RNF34: variants seen among roughly 807,000 people sequenced by gnomAD.
The protein encoded by RNF34 is E3 ubiquitin-protein ligase RNF34.
A neutral mutation model predicts 37.9 loss-of-function variants in RNF34; 12 were observed. That is an observed-to-expected ratio of 0.32 (90% CI 0.20 to 0.51). The LOEUF (loss-of-function observed/expected upper bound fraction) is 0.51. Among genes scored for constraint, RNF34 ranks in the 20% least tolerant of loss-of-function variants. The probability of loss-of-function intolerance (pLI) is 0.97; values close to 1 mark genes in which losing one functional copy is unlikely to be tolerated. For synonymous variants in RNF34, 155 were observed against 177.2 expected (o/e 0.87, Z 1.00); for missense variants, 362 against 472.7 (o/e 0.77, Z 2.17).
intron 4 of RNF34, 56 bp downstream of exon 4, chr12:121,420,390 C>T (rs1872021501): frequency 1.9e-6 from 3 of 1,553,834 alleles, no homozygotes; most frequent in Non-Finnish European, 2.6e-6. Flanking sequence ...CAGGAAGGGA[C>T]AGTGCCCTGT....
chr12:121,414,233 A>G (rs1177306723), intron 1 of RNF34, among the ~76,000 whole-genome samples: 5 of 152,270 alleles, frequency 3.3e-5, no homozygotes, highest in Non-Finnish European at 7.3e-5. Context: ...TGCCATTTTA[A>G]CTAATACCTC....
chr12:121,414,271 CATT>C (rs1222790243), intron 1 of RNF34, among the ~76,000 whole-genome samples: 1 of 152,260 alleles, frequency 6.6e-6, no homozygotes, highest in Non-Finnish European at 1.5e-5. Context: ...TTACCTATCA[CATT>C]ATCTAGATTC....
intron 1 of RNF34, among the ~76,000 whole-genome samples, chr12:121,410,309 C>T (rs921988670): frequency 6.6e-6 from 1 of 151,882 alleles, no homozygotes; most frequent in Non-Finnish European, 1.5e-5. Context: ...GAGGCTGAGG[C>T]AGGCGGATTA....
rs531386204 is a variant in RNF34, at chr12:121,416,521, A to G, written c.225+144A>G. 1.4e-5 allele frequency: 9 copies of G among 631,570 alleles called. No individual in the cohort carries two copies. In the South Asian group the frequency reaches 1.8e-4, roughly 12 times the overall value. The allele number at this position is 631,570 out of a possible 1,614,324, so 39.1% of individuals were successfully genotyped here. A position where few individuals can be genotyped will look rare whatever the true frequency, so the allele number is the denominator to read the frequency against. ...CATTAGCCATTTTCCATCTAGAAAA[A>G]TACTTAATTGGAGGGATTATATTAC... On this transcript the variant is annotated intron_variant, in intron 2 of 5. Coordinates refer to ENST00000361234, the MANE Select transcript of RNF34 (RefSeq NM_025126.4).
chr12:121,403,067 C>T (rs781855288), intron 1 of RNF34, among the ~76,000 whole-genome samples: 12 of 152,170 alleles, frequency 7.9e-5, no homozygotes, highest in Admixed American at 1.3e-4. Context: ...AATCCTTTCA[C>T]ATTCTAAGGA....
intron 1 of RNF34, among the ~76,000 whole-genome samples, chr12:121,413,181 AC>A (rs1335589222): frequency 2.5e-4 from 38 of 151,408 alleles, no homozygotes; most frequent in Non-Finnish European, 5.0e-4. Flanking sequence ...ATCTGCCAAT[AC>A]GCCCAGCTAA....
At position 121,416,174 on chromosome 12, in the gene RNF34, A is replaced by G. The variant is rs1555282167; in HGVS notation, c.22A>G (p.Met8Val). 7 of 1,614,098 alleles carry G rather than the reference A, an allele frequency of 4.3e-6. No homozygotes were observed. Among genetic ancestry groups the G allele is most frequent in the South Asian group, 1.1e-5 (1 of 91,088 alleles). MKAGATS[M>V]WASCCGLLNE... Reference sequence around the variant, plus strand: ...TCCTTTTTAGGCGGGTGCCACGTCTATGTGGGCTTCGTGCTGTGGGCTGCT... The same window carrying G: ...TCCTTTTTAGGCGGGTGCCACGTCTGTGTGGGCTTCGTGCTGTGGGCTGCT... Residue 8 changes from methionine to valine, a missense_variant, in exon 2 of 6, where the codon ATG becomes GTG. Coordinates refer to ENST00000361234, the MANE Select transcript of RNF34 (RefSeq NM_025126.4).
At chr12:121,416,452 T>C (rs1730808566) in intron 2 of RNF34, 75 bp downstream of exon 2, 1 of 999,918 alleles carries the variant, frequency 1.0e-6, no homozygotes, top group Non-Finnish European at 1.6e-6. Context: ...TGAATAGCTA[T>C]TGAATTTTCA....
intron 1 of RNF34, among the ~76,000 whole-genome samples, chr12:121,406,296 G>GTTGTTGTTGTTGTTGTTGTTGTTT (rs1292336063): frequency 7.9e-5 from 12 of 151,588 alleles, no homozygotes; most frequent in Admixed American, 2.6e-4. Context: ...TGTTGTTGTT[G>GTTGTTGTTGTTGTTGTTGTTGTTT]TTGTTGTTTG....
At chr12:121,415,798 A>G (rs560059835) in intron 1 of RNF34, among the ~76,000 whole-genome samples, 1 of 148,956 alleles carries the variant, frequency 6.7e-6, no homozygotes, top group South Asian at 2.1e-4. Flanking sequence ...TTTTTAGTAT[A>G]TGCATATCCC....
At chr12:121,422,636 A>G (rs1555283590) in intron 5 of RNF34, among the ~76,000 whole-genome samples, 2 of 152,198 alleles carry the variant, frequency 1.3e-5, no homozygotes, top group Admixed American at 1.3e-4. Context: ...TTCTGTTCCA[A>G]CTATTCATGA....
rs1217065302 is a variant in RNF34 at position 121,421,398 on chromosome 12, A to AAAAC, written c.928+620_928+621insAAAC. On this transcript the variant is annotated intron_variant, in intron 5 of 5. Transcript: ENST00000361234. Reference sequence around the variant, plus strand: ...AAAAAAAAAAAAAAAAAAAAAAAAAACCAAAAAAACCTGGTGTGGTGGCAC... The same window carrying AAAAC: ...AAAAAAAAAAAAAAAAAAAAAAAAAAAAACCCAAAAAAACCTGGTGTGGTGGCAC... Among the ~76,000 whole-genome samples, 48 of 142,078 alleles carry AAAAC rather than the reference A, an allele frequency of 3.4e-4. 1 individual carries two copies. Among genetic ancestry groups the AAAAC allele is most frequent in the African/African-American group, 1.2e-3 (45 of 38,792 alleles). The allele number at this position is 142,078 out of a possible 152,430, so 93.2% of individuals were successfully genotyped here.
At chr12:121,400,309 T>C in intron 1 of RNF34, 91 bp downstream of exon 1, 2 of 1,461,076 alleles carry the variant, frequency 1.4e-6, no homozygotes. Flanking sequence ...GCCTTAGCGG[T>C]TACCTAGTCG....
chr12:121,401,466 T>TC (rs1555280015), intron 1 of RNF34, among the ~76,000 whole-genome samples: 1 of 151,712 alleles, frequency 6.6e-6, no homozygotes, highest in African/African-American at 2.4e-5. Flanking sequence ...AACTGTGCCT[T>TC]GAAGTATGAG....
intron 2 of RNF34, chr12:121,416,727 T>C (rs1483432961): frequency 4.3e-5 from 9 of 208,876 alleles, no homozygotes; most frequent in Non-Finnish European, 6.8e-5. Flanking sequence ...TTCAAAAAAG[T>C]ATCCCGTACC....
chr12:121,408,640 A>G (rs903917081), intron 1 of RNF34, among the ~76,000 whole-genome samples: 1 of 152,172 alleles, frequency 6.6e-6, no homozygotes, highest in Non-Finnish European at 1.5e-5. Context: ...AAGATGAAAC[A>G]TACTAAAGGA....
chr12:121,412,230 CTTTTTTTTT>C (rs560473770), intron 1 of RNF34, among the ~76,000 whole-genome samples: 2 of 49,610 alleles, frequency 4.0e-5, no homozygotes, highest in African/African-American at 7.9e-5. Context: ...CCCAACTAAT[CTTTTTTTTT>C]TTTTTTTTTT....
At chr12:121,419,543 A>G (rs1460801214) in intron 3 of RNF34, among the ~76,000 whole-genome samples, 5 of 149,468 alleles carry the variant, frequency 3.3e-5, no homozygotes, top group African/African-American at 1.0e-4. Flanking sequence ...GGTGATGTGG[A>G]TTGTTGGATG....
chr12:121,415,133 A>G (rs903841062), intron 1 of RNF34, among the ~76,000 whole-genome samples: 1 of 152,138 alleles, frequency 6.6e-6, no homozygotes, highest in African/African-American at 2.4e-5. Flanking sequence ...AGAAAATTTC[A>G]GAGAAAATAA....
Sources: allele counts gnomAD v4.1 joint callset (sites outside exome capture counted in the v4.1 genomes callset), GRCh38; gene constraint gnomAD v4.1.1; transcripts MANE v1.5; gene names NCBI Gene and HGNC (gene_info 2026-07-23, HGNC 2026-07-21).